TRPM3: variants seen among roughly 807,000 people sequenced by gnomAD.
The protein encoded by TRPM3 is transient receptor potential cation channel subfamily M member 3, also known as long transient receptor potential channel 3.
In TRPM3, 77 loss-of-function variants were observed where a neutral mutation model predicts 181.2. The ratio of observed to expected loss-of-function variants is 0.42; its 90% CI spans 0.35 to 0.51. TRPM3 has a LOEUF of 0.51. Among genes scored for constraint, TRPM3 ranks in the 20% least tolerant of loss-of-function variants. The pLI, the probability that TRPM3 is intolerant of heterozygous loss-of-function variation, is 0.01. For missense variants in TRPM3, 1,759 were observed against 2,196.7 expected (o/e 0.80, Z 3.98); for synonymous variants, 745 against 796.4 (o/e 0.94, Z 1.09).
chr9:71,276,209 C>T (rs1215505467), intron 1 of TRPM3, among the ~76,000 whole-genome samples: 1 of 152,082 alleles, frequency 6.6e-6, no homozygotes, highest in East Asian at 1.9e-4. Flanking sequence ...AAAATCCCTT[C>T]GTCAACCGTA....
At chr9:71,092,027 G>A (rs1304938546) in intron 1 of TRPM3, among the ~76,000 whole-genome samples, 1 of 152,034 alleles carries the variant, frequency 6.6e-6, no homozygotes, top group Non-Finnish European at 1.5e-5. Context: ...TAAAGAAACA[G>A]CCACATCGGT....
intron 8 of TRPM3, among the ~76,000 whole-genome samples, chr9:70,758,090 C>T (rs932938315): frequency 7.9e-5 from 12 of 152,222 alleles, no homozygotes; most frequent in Non-Finnish European, 1.6e-4. Flanking sequence ...CCCATCGTCT[C>T]AGCCCAAAAT....
intron 1 of TRPM3, among the ~76,000 whole-genome samples, chr9:71,417,405 CT>C (rs2093653328): frequency 6.6e-6 from 1 of 151,882 alleles, no homozygotes; most frequent in Non-Finnish European, 1.5e-5. Flanking sequence ...TATTGAGCAT[CT>C]CTTTATGTGC....
Position 70,873,291 on chromosome 9 carries a change from T to C in TRPM3, c.178-8780A>G, listed in dbSNP as rs536880452. 2.6e-5 allele frequency among the ~76,000 whole-genome samples: 4 copies of C among 152,014 alleles called. No homozygotes were observed. The East Asian group carries it at 5.8e-4, about 22-fold the overall frequency. On this transcript the variant is annotated intron_variant, in intron 1 of 25. Coordinates refer to ENST00000677713, the MANE Select transcript of TRPM3 (RefSeq NM_001366145.2). ...CTACAAAATTAATGGCAGAGGACCA[T>C]GACAAAGCCAGCTGCCTCCAGAGAA... is the stretch of plus-strand genomic sequence containing the variant.
intron 1 of TRPM3, among the ~76,000 whole-genome samples, chr9:71,130,222 T>C (rs578184490): frequency 1.4e-4 from 21 of 152,338 alleles, no homozygotes; most frequent in Non-Finnish European, 2.4e-4. Context: ...TGATATATTA[T>C]ATAAGGTTCA....
intron 1 of TRPM3, among the ~76,000 whole-genome samples, chr9:71,411,883 C>CTGG: frequency 1.3e-5 from 2 of 152,300 alleles, no homozygotes; most frequent in African/African-American, 4.8e-5. Context: ...CAGCATGGTA[C>CTGG]TGGTACCAGA....
At chr9:71,336,720 A>C (rs1042639289) in intron 1 of TRPM3, among the ~76,000 whole-genome samples, 1 of 152,214 alleles carries the variant, frequency 6.6e-6, no homozygotes, top group African/African-American at 2.4e-5. Flanking sequence ...AGGCTACAGT[A>C]ACCAAAACAG....
intron 8 of TRPM3, among the ~76,000 whole-genome samples, chr9:70,744,818 G>A (rs779739060): frequency 2.0e-5 from 3 of 152,050 alleles, no homozygotes; most frequent in Non-Finnish European, 2.9e-5. Flanking sequence ...CTACTTTACC[G>A]TCATTTTAAC....
intron 1 of TRPM3, among the ~76,000 whole-genome samples, chr9:71,016,449 T>C (rs1162219843): frequency 1.3e-5 from 2 of 152,120 alleles, no homozygotes; most frequent in African/African-American, 4.8e-5. Context: ...TCCCAGACCC[T>C]GGCAACCACC....
intron 1 of TRPM3, among the ~76,000 whole-genome samples, chr9:71,338,834 A>T (rs1362458561): frequency 6.6e-6 from 1 of 152,152 alleles, no homozygotes; most frequent in Admixed American, 6.6e-5. Context: ...ATTTCTGCTA[A>T]AATCAAAAAC....
At chr9:71,155,399 C>A (rs1041118263) in intron 1 of TRPM3, among the ~76,000 whole-genome samples, 4 of 152,010 alleles carry the variant, frequency 2.6e-5, no homozygotes, top group Non-Finnish European at 5.9e-5. Context: ...CTCTCTGCAA[C>A]CTCTGCCTCC....
At chr9:70,809,642 A>G (rs1443163261) in intron 6 of TRPM3, among the ~76,000 whole-genome samples, 1 of 152,114 alleles carries the variant, frequency 6.6e-6, no homozygotes, top group Non-Finnish European at 1.5e-5. Context: ...GTATAAGTAC[A>G]CTCTATGATG....
chr9:70,626,961 G>A (rs2064748075), intron 12 of TRPM3, among the ~76,000 whole-genome samples: 1 of 152,086 alleles, frequency 6.6e-6, no homozygotes, highest in East Asian at 1.9e-4. Flanking sequence ...TAATATGCCT[G>A]GCATATGGTG....
chr9:70,652,748 G>A (rs2059749668), intron 9 of TRPM3, among the ~76,000 whole-genome samples: 1 of 152,158 alleles, frequency 6.6e-6, no homozygotes, highest in South Asian at 2.1e-4. Flanking sequence ...CAGAAGAAGT[G>A]GATAAGGTCA....
At chr9:70,941,531 T>C (rs2096885758) in intron 1 of TRPM3, among the ~76,000 whole-genome samples, 1 of 152,170 alleles carries the variant, frequency 6.6e-6, no homozygotes, top group South Asian at 2.1e-4. Context: ...GTGAGTCAAT[T>C]CTCCTTAATA....
At chr9:70,906,650 C>T (rs2096467997) in intron 1 of TRPM3, among the ~76,000 whole-genome samples, 1 of 152,160 alleles carries the variant, frequency 6.6e-6, no homozygotes, top group South Asian at 2.1e-4. Flanking sequence ...TGCCTGTAAT[C>T]CCAGCACTTT....
At chr9:70,806,082 C>G (rs1181753912) in intron 6 of TRPM3, among the ~76,000 whole-genome samples, 1 of 152,162 alleles carries the variant, frequency 6.6e-6, no homozygotes, top group Non-Finnish European at 1.5e-5. Flanking sequence ...CCCAGTACCC[C>G]ATGTGAACCC....
chr9:71,261,841 A>G (rs1006487120), intron 1 of TRPM3, among the ~76,000 whole-genome samples: 2 of 152,128 alleles, frequency 1.3e-5, no homozygotes, highest in African/African-American at 2.4e-5. Flanking sequence ...AGGCTGCAAA[A>G]CAGCAAAGGT....
intron 1 of TRPM3, among the ~76,000 whole-genome samples, chr9:71,293,668 T>C (rs1306368604): frequency 1.3e-5 from 2 of 151,924 alleles, no homozygotes; most frequent in African/African-American, 2.4e-5. Flanking sequence ...TCTATACTTT[T>C]AATGCAATTT....
Sources: allele counts gnomAD v4.1 joint callset (sites outside exome capture counted in the v4.1 genomes callset), GRCh38; gene constraint gnomAD v4.1.1; transcripts MANE v1.5; gene names NCBI Gene and HGNC (gene_info 2026-07-23, HGNC 2026-07-21).